NLRP5: variants seen among roughly 807,000 people sequenced by gnomAD.
NLRP5 encodes NACHT, LRR and PYD domains-containing protein 5.
Under a neutral mutation model 113.1 loss-of-function variants are expected in NLRP5, and 93 were observed. That is an observed-to-expected ratio of 0.82 (90% CI 0.70 to 0.98). The LOEUF is 0.98. Among genes scored for constraint, NLRP5 ranks in the 50% least tolerant of loss-of-function variants. NLRP5 has a pLI of 0.00. For synonymous variants in NLRP5, 751 were observed against 600.7 expected, an observed-to-expected ratio of 1.25 and a Z score of -3.66; for missense variants, 1,808 against 1,514.3, an observed-to-expected ratio of 1.19 and a Z score of -3.22.
At chr19:56,038,891 A>G (rs1431824057) in intron 10 of NLRP5, among the ~76,000 whole-genome samples, 1 of 152,156 alleles carries the variant, frequency 6.6e-6, no homozygotes, top group African/African-American at 2.4e-5. Context: ...AGCTCACTAC[A>G]GCCTCAACTC....
At chr19:55,990,035 T>TTA in the NLRP5 span, among the ~76,000 whole-genome samples, 11 of 151,770 alleles carry the variant, frequency 7.2e-5, no homozygotes, top group African/African-American at 2.7e-4. Flanking sequence ...AACTTTTTTT[T>TTA]AAAGTACATT....
intron 2 of NLRP5, among the ~76,000 whole-genome samples, chr19:56,006,789 G>A (rs868462869): frequency 1.3e-5 from 2 of 151,628 alleles, no homozygotes; most frequent in Middle Eastern, 3.4e-3. Flanking sequence ...GCCCAGGCTG[G>A]AGTGCAGTGG....
At chr19:56,031,143 C>CT (rs1983096959) in intron 7 of NLRP5, among the ~76,000 whole-genome samples, 1 of 152,102 alleles carries the variant, frequency 6.6e-6, no homozygotes, top group African/African-American at 2.4e-5. Flanking sequence ...GGACGGGAGA[C>CT]TAATTGCTCC....
At chr19:56,020,509 C>G in intron 6 of NLRP5, 78 bp downstream of exon 6, 1 of 1,462,714 alleles carries the variant, frequency 6.8e-7, no homozygotes, top group Non-Finnish European at 9.5e-7. Flanking sequence ...GTTTAGATTT[C>G]AAGGGTATGT....
rs369349527 is a variant in NLRP5 at position 56,003,823 on chromosome 19, C to T, written c.170C>T (p.Ser57Leu). 82 of 1,613,956 alleles carry T rather than the reference C, an allele frequency of 5.1e-5. No individual in the cohort carries two copies. In the African/African-American group the frequency reaches 8.0e-4, roughly 16 times the overall value. ...TGTATCAAGATGGAAGGAGACAAAT[C>T]GCTCACCTTTTCCAGCTACGGGCTG... is the stretch of plus-strand genomic sequence containing the variant. The change falls in exon 2 of 15, where the codon TCG becomes TTG. Residue 57 changes from serine to leucine, a missense_variant. Coordinates refer to ENST00000390649, the MANE Select transcript of NLRP5 (RefSeq NM_153447.4).
chr19:56,050,620 A>T (rs779843427), intron 12 of NLRP5, 32 bp downstream of exon 12: 2 of 1,602,800 alleles, frequency 1.2e-6, no homozygotes, highest in African/African-American at 2.7e-5. Flanking sequence ...GGTCAACTCT[A>T]TCATACTGGG....
At chr19:56,033,918 T>G (rs73619265) in intron 9 of NLRP5, among the ~76,000 whole-genome samples, 30,821 of 152,136 alleles carry the variant, frequency 0.2, 3,763 homozygotes, top group African/African-American at 0.33. Context: ...TTATCACAAT[T>G]AAAAAAACTC....
At chr19:56,061,301 G>A (rs1308937601) in intron 14 of NLRP5, 95 bp from the exon 15 acceptor site, 16 of 1,402,280 alleles carry the variant, frequency 1.1e-5, no homozygotes, top group Non-Finnish European at 1.6e-5. Context: ...ACAAGAAAAG[G>A]TTTGAGATCC....
intron 11 of NLRP5, among the ~76,000 whole-genome samples, chr19:56,044,457 G>C (rs192395853): frequency 6.6e-6 from 1 of 152,186 alleles, no homozygotes; most frequent in Non-Finnish European, 1.5e-5. Flanking sequence ...TCTCAGCACC[G>C]TTTGTCGAAA....
intron 10 of NLRP5, among the ~76,000 whole-genome samples, chr19:56,038,990 TAACTG>T (rs1182359975): frequency 6.6e-6 from 1 of 152,138 alleles, no homozygotes; most frequent in Non-Finnish European, 1.5e-5. Flanking sequence ...TGCTTACTGA[TAACTG>T]ATCTAGGGAG....
chr19:56,005,574 TACAC>T (rs74179655), intron 2 of NLRP5, among the ~76,000 whole-genome samples: 12 of 129,712 alleles, frequency 9.3e-5, no homozygotes, highest in Non-Finnish European at 1.6e-4. Flanking sequence ...TATATATTTA[TACAC>T]ACACGCACAC....
At chr19:56,015,076 A>AT (rs946482420) in intron 3 of NLRP5, among the ~76,000 whole-genome samples, 11 of 151,858 alleles carry the variant, frequency 7.2e-5, no homozygotes, top group East Asian at 1.9e-4. Flanking sequence ...GGTTTTCTTA[A>AT]TTTTTTTTGG....
At chr19:56,039,029 T>G (rs1451261291) in intron 10 of NLRP5, among the ~76,000 whole-genome samples, 1 of 152,176 alleles carries the variant, frequency 6.6e-6, no homozygotes. Flanking sequence ...GCAGCAACAG[T>G]TACAGCAACC....
intron 12 of NLRP5, among the ~76,000 whole-genome samples, chr19:56,052,956 G>A (rs924448706): frequency 6.6e-5 from 10 of 152,230 alleles, no homozygotes; most frequent in Non-Finnish European, 1.5e-4. Flanking sequence ...CTTTAGCCAG[G>A]TGTGGTGGCA....
At chr19:56,026,299 T>TG (rs895244788) in intron 6 of NLRP5, among the ~76,000 whole-genome samples, 2 of 151,696 alleles carry the variant, frequency 1.3e-5, no homozygotes, top group African/African-American at 4.8e-5. Context: ...GAGGCCGAGG[T>TG]GGGTACATCA....
rs761657995 is a variant in NLRP5 at position 56,053,694 on chromosome 19, C to G, written c.3185C>G (p.Ser1062Trp). The G allele has an allele frequency of 6.2e-7, 1 of 1,613,794 alleles. No individual in the cohort carries two copies. Among genetic ancestry groups the G allele is most frequent in the Admixed American group, 1.7e-5 (1 of 59,998 alleles). ...TGTGAGAGTCTGTCCTGTGTGATCT[C>G]GAGGAGCAGACACCTGAAGAGCCTG... Residue 1062 changes from serine to tryptophan, a missense_variant, in exon 13 of 15, where the codon TCG (serine) becomes TGG (tryptophan). By Grantham distance (177) the Ser-to-Trp change is radical. Transcript: ENST00000390649.
At chr19:56,041,576 A>C (rs372181343) in intron 11 of NLRP5, among the ~76,000 whole-genome samples, 1 of 152,208 alleles carries the variant, frequency 6.6e-6, no homozygotes, top group African/African-American at 2.4e-5. Context: ...ATCTGACACA[A>C]GTGATGGACC....
chr19:56,041,373 C>T (rs1161167277), intron 11 of NLRP5, among the ~76,000 whole-genome samples: 1 of 152,134 alleles, frequency 6.6e-6, no homozygotes, highest in African/African-American at 2.4e-5. Context: ...GAGCACTGAA[C>T]CAGCCAGCAT....
intron 9 of NLRP5, among the ~76,000 whole-genome samples, chr19:56,034,642 C>T (rs1013486596): frequency 2.0e-5 from 3 of 152,194 alleles, no homozygotes; most frequent in Non-Finnish European, 4.4e-5. Context: ...GTCATTTTGA[C>T]AATGCTCTTA....
Sources: allele counts gnomAD v4.1 joint callset (sites outside exome capture counted in the v4.1 genomes callset), GRCh38; gene constraint gnomAD v4.1.1; transcripts MANE v1.5; gene names NCBI Gene and HGNC (gene_info 2026-07-23, HGNC 2026-07-21).